Variants in TOP2A observed in about 807,000 individuals in gnomAD.
TOP2A encodes the protein DNA topoisomerase II alpha, also known as DNA topoisomerase 2-alpha.
TOP2A carries 68 observed loss-of-function variants against 187.2 expected under a neutral mutation model. The ratio of observed to expected loss-of-function variants is 0.36; its 90% CI spans 0.30 to 0.44. The LOEUF is 0.44. Among genes scored for constraint, TOP2A ranks in the 20% least tolerant of loss-of-function variants. TOP2A has a pLI of 1.00. For missense variants in TOP2A, 1,196 were observed against 1,808.7 expected, an observed-to-expected ratio of 0.66 and a Z score of 6.14; for synonymous variants, 542 against 593.2, an observed-to-expected ratio of 0.91 and a Z score of 1.25.
intron 1 of TOP2A, among the ~76,000 whole-genome samples, chr17:40,417,166 T>G (rs2035400814): frequency 6.6e-6 from 1 of 152,176 alleles, no homozygotes; most frequent in Non-Finnish European, 1.5e-5. Flanking sequence ...ATGTCATCAA[T>G]AAAATACACC....
At chr17:40,405,325 A>G (rs2035226774) in intron 16 of TOP2A, among the ~76,000 whole-genome samples, 1 of 147,578 alleles carries the variant, frequency 6.8e-6, no homozygotes, top group Admixed American at 6.7e-5. Flanking sequence ...AATATTTTGT[A>G]TTTTTAGTAG....
chr17:40,392,955 C>T (rs1188189408), intron 29 of TOP2A, among the ~76,000 whole-genome samples: 1 of 152,056 alleles, frequency 6.6e-6, no homozygotes, highest in Non-Finnish European at 1.5e-5. Context: ...GCCTGTAATC[C>T]CAGCACTTAG....
chr17:40,390,661 T>C (rs1598606669), intron 33 of TOP2A, among the ~76,000 whole-genome samples: 1 of 150,648 alleles, frequency 6.6e-6, no homozygotes, highest in African/African-American at 2.4e-5. Flanking sequence ...CATCTTGCTC[T>C]ATCTCGCCCA....
At position 40,408,115 on chromosome 17, in the gene TOP2A, T is replaced by C; in HGVS notation, c.1352A>G (p.Asn451Ser). Residue 451 changes from asparagine to serine, a missense_variant, in exon 12 of 35, where the codon AAC (asparagine) becomes AGC (serine). By Grantham distance (46) the Asn-to-Ser change is conservative. Coordinates refer to ENST00000423485, the MANE Select transcript of TOP2A (RefSeq NM_001067.4). ...CAGGATAAGCGTACACTCAGTGGAG[T>C]TTCGGCCCCCTAAAATAAAAATATA... ...LDDANDAGGRNSTECTLILTE... is the reference protein window; with the variant it reads ...LDDANDAGGRSSTECTLILTE... The C allele has an allele frequency of 6.3e-7, 1 of 1,593,544 alleles. No homozygotes were observed.
chr17:40,416,752 T>C lies in TOP2A; in HGVS notation c.165A>G (p.Glu55=). Reference sequence around the variant, plus strand: ...AGCTTGATTTTACCTGGGTCACTAATTCCACAGAACCAATGTAGGTGTCTG... The same window carrying C: ...AGCTTGATTTTACCTGGGTCACTAACTCCACAGAACCAATGTAGGTGTCTG... ...LRPDTYIGSV[E]LVTQQMWVYD... is the part of the protein sequence containing the mutation. The change falls in exon 2 of 35, where the codon GAA becomes GAG. Residue 55 remains glutamate (E), a synonymous_variant. Transcript: ENST00000423485. 6.2e-7 allele frequency: 1 copy of C among 1,605,954 alleles called. No individual in the cohort carries two copies. The highest frequency in any genetic ancestry group is 1.1e-5 in the South Asian group (1 of 88,324).
chr17:40,417,754 C>A lies in TOP2A; in HGVS notation c.21+17G>T, dbSNP rs758467710. 3.7e-6 allele frequency: 6 copies of A among 1,612,818 alleles called. 1 individual carries two copies. The South Asian group carries it at 5.5e-5, about 15-fold the overall frequency. Reference sequence around the variant, plus strand: ...CCGCGCGGAGGCTCCACCGCCAGTCCCCCCCGCGAGCCGTACCTGCAATGG... The same window carrying A: ...CCGCGCGGAGGCTCCACCGCCAGTCACCCCCGCGAGCCGTACCTGCAATGG... On this transcript the variant is annotated intron_variant, in intron 1 of 34. Transcript: ENST00000423485.
intron 27 of TOP2A, among the ~76,000 whole-genome samples, chr17:40,398,118 T>C (rs1397080981): frequency 1.4e-5 from 2 of 148,120 alleles, no homozygotes; most frequent in Non-Finnish European, 3.0e-5. Flanking sequence ...CCCTTTTTTT[T>C]TTTTTTTTTT....
At chr17:40,414,153 T>C (rs2035360478) in intron 4 of TOP2A, among the ~76,000 whole-genome samples, 2 of 152,194 alleles carry the variant, frequency 1.3e-5, no homozygotes, top group African/African-American at 2.4e-5. Context: ...AAATGATTTA[T>C]GCCCAATGGA....
rs1416633387 is a variant in TOP2A, at chr17:40,417,545, A to G, written c.21+226T>C. On this transcript the variant is annotated intron_variant, in intron 1 of 34. Transcript: ENST00000423485. ...CCAACGGACTCCTGCCCCTAGAAAC[A>G]GGGCAACAACGCACGACACCCTGGA... 9.8e-6 allele frequency: 14 copies of G among 1,423,764 alleles called. No homozygotes were observed. The African/African-American group carries it at 1.4e-4, about 15-fold the overall frequency. 88.2% of individuals were successfully genotyped at this position (1,423,764 alleles called of 1,614,324 possible).
intron 32 of TOP2A, 31 bp downstream of exon 32, chr17:40,392,037 G>A (rs2143621406): frequency 6.2e-7 from 1 of 1,603,758 alleles, no homozygotes; most frequent in Non-Finnish European, 8.5e-7. Context: ...CAGTAAGGCA[G>A]ATGTCTCACT....
chr17:40,411,176 T>G lies in TOP2A; in HGVS notation c.1136A>C (p.Glu379Ala), dbSNP rs1265695309. The G allele has an allele frequency of 3.1e-6, 5 of 1,613,572 alleles. No individual in the cohort carries two copies. The highest frequency in any genetic ancestry group is 4.2e-6 in the Non-Finnish European group (5 of 1,179,730). Residue 379 changes from glutamate to alanine, a missense_variant, in exon 10 of 35, where the codon GAA becomes GCA. Coordinates refer to ENST00000423485, the MANE Select transcript of TOP2A (RefSeq NM_001067.4). The surrounding 1 kb of genome is among the most constrained non-coding windows in gnomAD (Gnocchi z 4.4). ...GCTCTTGGGTTGTAAAGTCATGTTT[T>G]CTTTTGTCTGAGAGTCAAAGGTTGG... is the stretch of plus-strand genomic sequence containing the variant. ...ENPTFDSQTK[E>A]NMTLQPKSFG...
intron 7 of TOP2A, among the ~76,000 whole-genome samples, chr17:40,412,310 C>G (rs1016933963): frequency 6.6e-6 from 1 of 152,182 alleles, no homozygotes; most frequent in South Asian, 2.1e-4. Flanking sequence ...ATGTGGCATA[C>G]CATTCTCTTT....
intron 17 of TOP2A, 52 bp downstream of exon 17, chr17:40,404,739 C>T (rs533337295): frequency 1.6e-6 from 2 of 1,224,414 alleles, no homozygotes; most frequent in African/African-American, 1.5e-5. Context: ...AGTATCAATA[C>T]CAAAAGGTCA....
chr17:40,404,514 A>G (rs764734537), intron 17 of TOP2A, 23 bp from the exon 18 acceptor site: 11 of 1,359,612 alleles, frequency 8.1e-6, no homozygotes, highest in South Asian at 3.6e-5. Context: ...ATAGTATTAC[A>G]TGAGTCTACC....
At chr17:40,400,796 T>G in intron 21 of TOP2A, 54 bp downstream of exon 21, 1 of 1,577,790 alleles carries the variant, frequency 6.3e-7, no homozygotes, top group South Asian at 1.1e-5. Flanking sequence ...ATACAATCTA[T>G]TCAACTGAAA....
Position 40,400,216 on chromosome 17 carries a change from T to C in TOP2A, c.2993A>G (p.Asn998Ser), listed in dbSNP as rs551595236. 8 of 1,613,762 alleles carry C rather than the reference T, an allele frequency of 5.0e-6. No individual in the cohort carries two copies. In the South Asian group the frequency reaches 8.8e-5, roughly 18 times the overall value. ...CACAAAACAAATACATACCATAGAGTTGCATGTGAGACTAGTTTGGAGTTT... is the reference window on the plus strand; with the variant it reads ...CACAAAACAAATACATACCATAGAGCTGCATGTGAGACTAGTTTGGAGTTT... Reference protein sequence around the residue: ...VFKLQTSLTCNSMVLFDHVGC... With the variant: ...VFKLQTSLTCSSMVLFDHVGC... Residue 998 changes from asparagine (N) to serine (S), a missense_variant, in exon 23 of 35, where the codon AAC becomes AGC. Transcript: ENST00000423485.
In TOP2A at chr17:40,406,414, A is replaced by G. The variant is rs752629685; in HGVS notation, c.1923T>C (p.Ser641=). Reference sequence around the variant, plus strand: ...TGATAGCAGCATCATCTTCAGGACCAGAATATTTGAACTGGATACGATGTC... The same window carrying G: ...TGATAGCAGCATCATCTTCAGGACCGGAATATTTGAACTGGATACGATGTC... ...MKRHRIQFKY[S]GPEDDAAISL... Residue 641 remains serine, a synonymous_variant, in exon 16 of 35, where the codon TCT becomes TCC. Coordinates refer to ENST00000423485, the MANE Select transcript of TOP2A (RefSeq NM_001067.4). The G allele has an allele frequency of 6.2e-7, 1 of 1,613,486 alleles. No homozygotes were observed.
In TOP2A at chr17:40,399,877, A is replaced by T; in HGVS notation, c.3191T>A (p.Ile1064Asn). 1.3e-6 allele frequency: 2 copies of T among 1,593,466 alleles called. No individual in the cohort carries two copies. Among genetic ancestry groups the T allele is most frequent in the Non-Finnish European group, 1.7e-6 (2 of 1,173,478 alleles). ...TTATTATTCCCAAAACATACCAATG[A>T]TTATTTTGCCATCTATTTTCTCTAA... is the stretch of plus-strand genomic sequence containing the variant. ...FILEKIDGKI[I>N]IENKPKKELI... Residue 1064 changes from isoleucine to asparagine, a missense_variant, in exon 24 of 35, where the codon ATC becomes AAC. By Grantham distance (149) the Ile-to-Asn change is moderately radical. Coordinates refer to ENST00000423485, the MANE Select transcript of TOP2A (RefSeq NM_001067.4).
At chr17:40,394,659 T>C (rs1200600763) in intron 29 of TOP2A, among the ~76,000 whole-genome samples, 1 of 152,128 alleles carries the variant, frequency 6.6e-6, no homozygotes, top group Non-Finnish European at 1.5e-5. Context: ...ATGGGCAAAT[T>C]TGGCATGTGA....
Sources: gnomAD v4.1 joint callset for allele counts (sites outside exome capture counted in the v4.1 genomes callset) on GRCh38, gnomAD v4.1.1 for gene constraint, Gnocchi (gnomAD v3.1) non-coding constraint, MANE v1.5 for transcripts, NCBI Gene and HGNC (gene_info 2026-07-23, HGNC 2026-07-21) for gene names.